The following SMG1 variants were observed in gnomAD, a reference collection of about 807,000 sequenced individuals.
The protein encoded by SMG1 is serine/threonine-protein kinase SMG1.
Under a neutral mutation model 419.9 loss-of-function variants are expected in SMG1, and 22 were observed. The observed-to-expected ratio is 0.05, with a 90% CI of 0.04 to 0.07. SMG1 has a LOEUF of 0.07. SMG1 is among the 10% of genes least tolerant of loss of function. The pLI, the probability that SMG1 is intolerant of heterozygous loss-of-function variation, is 1.00. For synonymous variants in SMG1, 1,538 were observed against 1,553.5 expected (o/e 0.99, Z 0.23); for missense variants, 3,185 against 4,342.0 (o/e 0.73, Z 7.49).
rs1279529744 is a variant in SMG1 at position 18,838,404 on chromosome 16, G to T, written c.7147C>A (p.Leu2383Met). 6 of 1,613,594 alleles carry T rather than the reference G, an allele frequency of 3.7e-6. No homozygotes were observed. The highest frequency in any genetic ancestry group is 5.1e-6 in the Non-Finnish European group (6 of 1,179,848). Residue 2383 changes from leucine to methionine, a missense_variant, in exon 44 of 63, where the codon CTG becomes ATG. Leu to Met is a conservative substitution (Grantham distance 15). This residue lies in a region of SMG1 where 60 missense variants were observed against 133.9 expected (regional missense o/e 0.45). Transcript: ENST00000446231. ...FRMTQNIETA[L>M]GVTGVEGVFR... ...ACACCTTCTACTCCAGTTACACCCAGTGCTGTTTCAATGTTTTGTGTCATT... is the reference window on the plus strand; with the variant it reads ...ACACCTTCTACTCCAGTTACACCCATTGCTGTTTCAATGTTTTGTGTCATT...
intron 29 of SMG1, among the ~76,000 whole-genome samples, chr16:18,855,367 T>C (rs2034839646): frequency 6.6e-6 from 1 of 152,166 alleles, no homozygotes; most frequent in Admixed American, 6.5e-5. Flanking sequence ...GGCTCTCTAC[T>C]TTTCCCACTG....
At chr16:18,845,972 C>A (rs1468809273) in intron 38 of SMG1, among the ~76,000 whole-genome samples, 3 of 151,990 alleles carry the variant, frequency 2.0e-5, no homozygotes, top group African/African-American at 7.3e-5. Flanking sequence ...CGCGACACCA[C>A]GCCCAGCTAA....
At chr16:18,837,108 T>C in intron 46 of SMG1, 145 bp downstream of exon 46, 1 of 713,176 alleles carries the variant, frequency 1.4e-6, no homozygotes, top group East Asian at 2.8e-5. Flanking sequence ...TTTTGTTTAC[T>C]AACACTTTGA....
chr16:18,881,662 T>TGTA (rs2036403927), intron 10 of SMG1, among the ~76,000 whole-genome samples: 3 of 152,140 alleles, frequency 2.0e-5, no homozygotes, highest in Admixed American at 6.6e-5. Context: ...GTGCAGCTAA[T>TGTA]GTTTGAGGCT....
At chr16:18,863,576 A>G (rs1431572812) in intron 25 of SMG1, 74 bp downstream of exon 25, 1 of 1,331,696 alleles carries the variant, frequency 7.5e-7, no homozygotes, top group Non-Finnish European at 1.1e-6. Flanking sequence ...GACCAATTTT[A>G]ATATTTTCTT....
At chr16:18,867,767 G>A (rs1363385365) in intron 22 of SMG1, among the ~76,000 whole-genome samples, 1 of 137,320 alleles carries the variant, frequency 7.3e-6, no homozygotes, top group African/African-American at 2.8e-5. Flanking sequence ...GGAGTGCAGT[G>A]GTGCGATCTC....
In SMG1 at chr16:18,852,429, A is replaced by G. The variant is rs1259484808; in HGVS notation, c.4802T>C (p.Leu1601Ser). ...TGAAGACAGGTGATACAACTGTCCC[A>G]AAATGAAGTCAGGTTCTCCAACTCC... ...HIGVGEPDFI[L>S]GQLYHLSSVQ... The change falls in exon 32 of 63, where the codon TTG becomes TCG. Residue 1601 changes from leucine to serine, a missense_variant. By Grantham distance (145) the Leu-to-Ser change is moderately radical. Around this residue, in one of 27 missense-constraint regions of SMG1, gnomAD observed 493 missense variants for 552.9 expected, o/e 0.89. Transcript: ENST00000446231. 1 of 1,599,266 alleles carries G rather than the reference A, an allele frequency of 6.3e-7. No individual in the cohort carries two copies. The highest frequency in any genetic ancestry group is 1.1e-5 in the South Asian group (1 of 87,872).
chr16:18,909,958 CA>C (rs879687725), intron 1 of SMG1, among the ~76,000 whole-genome samples: 11 of 151,548 alleles, frequency 7.3e-5, no homozygotes, highest in Non-Finnish European at 1.5e-4. Flanking sequence ...ATCAGATTGA[CA>C]TAAGTGATTT....
chr16:18,892,998 T>A (rs907181043), intron 3 of SMG1, among the ~76,000 whole-genome samples: 1 of 152,210 alleles, frequency 6.6e-6, no homozygotes, highest in Non-Finnish European at 1.5e-5. Context: ...CAAACTGTTT[T>A]CAACATGCAG....
rs769132053 is a variant in SMG1 at position 18,811,905 on chromosome 16, A to G, written c.10802-38T>C. The G allele has an allele frequency of 2.0e-5, 33 of 1,612,836 alleles. No homozygotes were observed. The East Asian group carries it at 7.4e-4, about 36-fold the overall frequency. On this transcript the variant is annotated intron_variant, in intron 61 of 62. Coordinates refer to ENST00000446231, the MANE Select transcript of SMG1 (RefSeq NM_015092.5). ...AAAAACATACGTAAGTCAAACCGTC[A>G]TTTTATATAAAAATTTAAGGCATCT... is the stretch of plus-strand genomic sequence containing the variant.
At chr16:18,866,437 C>A (rs1027719985) in intron 23 of SMG1, 184 bp downstream of exon 23, 2 of 623,548 alleles carry the variant, frequency 3.2e-6, no homozygotes, top group South Asian at 3.8e-5. Context: ...GTAAGAAAGG[C>A]ACTCAAGTAT....
intron 42 of SMG1, among the ~76,000 whole-genome samples, chr16:18,838,892 A>T (rs1353052440): frequency 2.0e-5 from 3 of 152,224 alleles, no homozygotes; most frequent in Non-Finnish European, 4.4e-5. Flanking sequence ...GGTCCTAGTT[A>T]ATCAGCTATC....
intron 1 of SMG1, 194 bp downstream of exon 1, chr16:18,925,756 G>A (rs1462383281): frequency 4.1e-5 from 18 of 438,202 alleles, no homozygotes; most frequent in African/African-American, 4.2e-5. Context: ...GAACAAGCAG[G>A]GAGGGGAGGC....
chr16:18,924,579 ATACT>A (rs1190568896), intron 1 of SMG1, among the ~76,000 whole-genome samples: 2 of 152,248 alleles, frequency 1.3e-5, no homozygotes, highest in East Asian at 1.9e-4. Flanking sequence ...ATAGAAAAAA[ATACT>A]TAATCAACTA....
At chr16:18,828,271 C>A in intron 54 of SMG1, 103 bp from the exon 55 acceptor site, 1 of 1,165,920 alleles carries the variant, frequency 8.6e-7, no homozygotes, top group Non-Finnish European at 1.2e-6. Context: ...AGAAAAAAAT[C>A]CCAGCTGCAG....
At position 18,869,957 on chromosome 16, in the gene SMG1, C is replaced by A. The variant is rs554442946; in HGVS notation, c.2530G>T (p.Ala844Ser). 1 of 1,534,992 alleles carries A rather than the reference C, an allele frequency of 6.5e-7. No individual in the cohort carries two copies. The highest frequency in any genetic ancestry group is 2.3e-5 in the East Asian group (1 of 43,862). ...NHTEIQEISLALRSHMSKAPS... is the reference protein window; with the variant it reads ...NHTEIQEISLSLRSHMSKAPS... ...GCTTTACTCATGTGACTTCTTAATG[C>A]TAAAGAAATTTCTTGAATTTCTGTG... The change falls in exon 19 of 63, where the codon GCA becomes TCA. Residue 844 changes from alanine to serine, a missense_variant. This residue lies in a region of SMG1 where 297 missense variants were observed against 491.0 expected (regional missense o/e 0.60). Transcript: ENST00000446231.
intron 11 of SMG1, chr16:18,877,862 T>C (rs975813201): frequency 1.3e-5 from 2 of 152,176 alleles, no homozygotes; most frequent in African/African-American, 4.8e-5. Context: ...TTTTTTCACA[T>C]TAGTAAAAAG....
At chr16:18,814,307 T>A (rs1272153574) in intron 60 of SMG1, among the ~76,000 whole-genome samples, 3 of 151,318 alleles carry the variant, frequency 2.0e-5, no homozygotes, top group Non-Finnish European at 4.4e-5. Flanking sequence ...TCATTTGTAT[T>A]AAGTATTTTC....
Position 18,838,800 on chromosome 16 carries a change from T to C in SMG1, c.6946-111A>G, listed in dbSNP as rs367590232. ...AGCACCATTAACCTACTCCCTTATT[T>C]TAAAATAAATCAACAAATAAAAAGC... On this transcript the variant is annotated intron_variant, in intron 42 of 62. Coordinates refer to ENST00000446231, the MANE Select transcript of SMG1 (RefSeq NM_015092.5). 7.3e-5 allele frequency: 53 copies of C among 726,432 alleles called. No homozygotes were observed. The Middle Eastern group carries it at 9.6e-4, about 13-fold the overall frequency. The allele number at this position is 726,432 out of a possible 1,614,324, so 45.0% of individuals were successfully genotyped here. A position where few individuals can be genotyped will look rare whatever the true frequency, so the allele number is the denominator to read the frequency against.
Sources: allele counts gnomAD v4.1 joint callset (sites outside exome capture counted in the v4.1 genomes callset), GRCh38; gene constraint gnomAD v4.1.1; regional missense constraint gnomAD v4.1.1; transcripts MANE v1.5; gene names NCBI Gene and HGNC (gene_info 2026-07-23, HGNC 2026-07-21).